ABCC3: variants seen among roughly 807,000 people sequenced by gnomAD.
ABCC3 encodes ATP-binding cassette sub-family C member 3.
ABCC3 carries 121 observed loss-of-function variants against 165.3 expected under a neutral mutation model. The observed-to-expected ratio is 0.73, with a 90% CI of 0.63 to 0.85. The LOEUF is 0.85. ABCC3 is among the 40% of genes least tolerant of loss of function. The pLI is 0.00. For synonymous variants in ABCC3, 733 were observed against 810.1 expected (o/e 0.90, Z 1.62); for missense variants, 1,869 against 1,964.1 (o/e 0.95, Z 0.92).
chr17:50,635,615 G>A (rs1248066280), intron 1 of ABCC3: 9 of 702,454 alleles, frequency 1.3e-5, no homozygotes, highest in Non-Finnish European at 2.3e-5. Flanking sequence ...CAGGGTGTCA[G>A]GATTCCTGTA....
chr17:50,634,920 A>T lies in ABCC3; in HGVS notation c.-17A>T, dbSNP rs2146579128. On this transcript the variant is annotated 5_prime_UTR_variant, in exon 1 of 31. Coordinates refer to ENST00000285238, the MANE Select transcript of ABCC3 (RefSeq NM_003786.4). Reference sequence around the variant, plus strand: ...GTCCGACCGCGCTCGCCTTCCTTGCAGCCGCGCCTCGGCCCCATGGACGCC... The same window carrying T: ...GTCCGACCGCGCTCGCCTTCCTTGCTGCCGCGCCTCGGCCCCATGGACGCC... The T allele has an allele frequency of 8.0e-7, 1 of 1,253,918 alleles. No homozygotes were observed. Among genetic ancestry groups the T allele is most frequent in the East Asian group, 3.2e-5 (1 of 31,664 alleles). 77.7% of individuals were successfully genotyped at this position (1,253,918 alleles called of 1,614,324 possible).
intron 7 of ABCC3, 44 bp downstream of exon 7, chr17:50,659,412 C>A: frequency 6.3e-7 from 1 of 1,575,514 alleles, no homozygotes; most frequent in Non-Finnish European, 8.7e-7. Flanking sequence ...CTTCGCTTAC[C>A]CCAGATCTCC....
At chr17:50,690,457 G>C (rs1421639007) in intron 30 of ABCC3, among the ~76,000 whole-genome samples, 1 of 152,164 alleles carries the variant, frequency 6.6e-6, no homozygotes, top group Non-Finnish European at 1.5e-5. Flanking sequence ...CCATGGAGGA[G>C]CACTTCTCCA....
chr17:50,683,527 A>C, intron 26 of ABCC3, 83 bp from the exon 27 acceptor site: 1 of 1,419,682 alleles, frequency 7.0e-7, no homozygotes, highest in Non-Finnish European at 9.2e-7. Context: ...GGGAGGATTG[A>C]GGGGCCTTGG....
rs760201402 is a variant in ABCC3, at chr17:50,684,728, G to A, written c.4133G>A (p.Gly1378Glu). ...CCCCAGGACCCCATCCTGTTCTCGGGGACCCTGCGCATGAACCTGGACCCC... is the reference window on the plus strand; with the variant it reads ...CCCCAGGACCCCATCCTGTTCTCGGAGACCCTGCGCATGAACCTGGACCCC... The part of the protein sequence containing the change: ...IIPQDPILFS[G>E]TLRMNLDPFG... The change falls in exon 29 of 31, where the codon GGG (glycine) becomes GAG (glutamate). Residue 1378 changes from glycine to glutamate, a missense_variant. Gly to Glu is a moderately conservative substitution (Grantham distance 98). Transcript: ENST00000285238. 2 of 1,613,942 alleles carry A rather than the reference G, an allele frequency of 1.2e-6. No homozygotes were observed. Among genetic ancestry groups the A allele is most frequent in the Admixed American group, 3.3e-5 (2 of 59,966 alleles).
intron 1 of ABCC3, among the ~76,000 whole-genome samples, chr17:50,636,684 T>C (rs569477644): frequency 2.0e-5 from 3 of 152,356 alleles, no homozygotes; most frequent in East Asian, 3.9e-4. Context: ...CAAGGGCTCA[T>C]TGTTCCTGGG....
intron 19 of ABCC3, among the ~76,000 whole-genome samples, chr17:50,674,961 G>C (rs149956935): frequency 1.3e-5 from 2 of 151,794 alleles, no homozygotes; most frequent in Non-Finnish European, 2.9e-5. Context: ...CACCACGCCC[G>C]GCTAATTTTT....
intron 1 of ABCC3, chr17:50,643,727 A>G (rs1323871902): frequency 2.3e-6 from 1 of 433,374 alleles, no homozygotes; most frequent in South Asian, 1.6e-5. Flanking sequence ...GACAAGTGGT[A>G]AAAAGAGGGA....
rs1280738354 is a variant in ABCC3, at chr17:50,655,890, C to T, written c.104C>T (p.Ser35Phe). The change falls in exon 2 of 31, where the codon TCC (serine) becomes TTC (phenylalanine). Residue 35 changes from serine (S) to phenylalanine (F), a missense_variant. Ser to Phe is a radical substitution (Grantham distance 155). Coordinates refer to ENST00000285238, the MANE Select transcript of ABCC3 (RefSeq NM_003786.4). ...NPDLTPCFQN[S>F]LLAWVPCIYL... ...GACCTCACTCCCTGCTTCCAGAACT[C>T]CCTGCTGGCCTGGGTGCCCTGCATC... 1.2e-6 allele frequency: 2 copies of T among 1,614,050 alleles called. No individual in the cohort carries two copies. The highest frequency in any genetic ancestry group is 2.2e-5 in the South Asian group (2 of 91,062).
intron 28 of ABCC3, 102 bp downstream of exon 28, chr17:50,684,209 AG>A: frequency 7.0e-7 from 1 of 1,428,766 alleles, no homozygotes. Context: ...CCAGTCTCAG[AG>A]GCTTGGGCAG....
In ABCC3 at chr17:50,673,670, C is replaced by G. The variant is rs1326604979; in HGVS notation, c.2599+12C>G. ...GGACAGCTGGACCGGTATCTGCCAT[C>G]CTGGGCCCTCTGATTCCCATGCCTT... On this transcript the variant is annotated intron_variant, in intron 19 of 30. Coordinates refer to ENST00000285238, the MANE Select transcript of ABCC3 (RefSeq NM_003786.4). 6.2e-7 allele frequency: 1 copy of G among 1,613,356 alleles called. No homozygotes were observed. Among genetic ancestry groups the G allele is most frequent in the Admixed American group, 1.7e-5 (1 of 59,988 alleles).
In ABCC3 at chr17:50,673,900, TTTTC is replaced by T. The variant is rs1396264236; in HGVS notation, c.2599+320_2599+323del. On this transcript the variant is annotated intron_variant, in intron 19 of 30. Transcript: ENST00000285238. ...TCCTCCGCCCCGGTCTCAGAGCCTG[TTTTC>T]TTTCTTTCTTTCTTTCTTTCTTTCT... is the stretch of plus-strand genomic sequence containing the variant. 2.7e-4 allele frequency among the ~76,000 whole-genome samples: 36 copies of T among 131,616 alleles called. 4 individuals carry two copies. Among genetic ancestry groups the T allele is most frequent in the East Asian group, 7.2e-4 (3 of 4,170 alleles). 86.3% of individuals were successfully genotyped at this position (131,616 alleles called of 152,430 possible). A position where few individuals can be genotyped will look rare whatever the true frequency, so the allele number is the denominator to read the frequency against.
chr17:50,679,843 G>A lies in ABCC3; in HGVS notation c.3751G>A (p.Glu1251Lys), dbSNP rs767675983. ...NWMIRMMSDLESNIVAVERVK... is the reference protein window; with the variant it reads ...NWMIRMMSDLKSNIVAVERVK... Reference sequence around the variant, plus strand: ...GATGATACGAATGATGTCAGATTTGGAATCTAACATCGTGGCTGTGGAGAG... The same window carrying A: ...GATGATACGAATGATGTCAGATTTGAAATCTAACATCGTGGCTGTGGAGAG... The change falls in exon 26 of 31, where the codon GAA (glutamate) becomes AAA (lysine). Residue 1251 changes from glutamate to lysine, a missense_variant. By Grantham distance (56) the Glu-to-Lys change is moderately conservative. Coordinates refer to ENST00000285238, the MANE Select transcript of ABCC3 (RefSeq NM_003786.4). 1 of 1,614,038 alleles carries A rather than the reference G, an allele frequency of 6.2e-7. No homozygotes were observed. The highest frequency in any genetic ancestry group is 1.3e-5 in the African/African-American group (1 of 74,918).
At chr17:50,658,536 A>G (rs1380349057) in intron 6 of ABCC3, 40 bp downstream of exon 6, 1 of 1,588,550 alleles carries the variant, frequency 6.3e-7, no homozygotes, top group African/African-American at 1.3e-5. Flanking sequence ...GAGGGAGGGG[A>G]GGGATGGAAG....
chr17:50,668,890 G>T lies in ABCC3; in HGVS notation c.1908G>T (p.Trp636Cys). The T allele has an allele frequency of 6.2e-7, 1 of 1,613,906 alleles. No individual in the cohort carries two copies. The highest frequency in any genetic ancestry group is 2.2e-5 in the East Asian group (1 of 44,862). ...AITIHSGTFT[W>C]AQDLPPTLHS... ...CCATACACAGTGGCACCTTCACCTGGGCCCAGGACCTGCCCCCCACTCTGC... is the reference window on the plus strand; with the variant it reads ...CCATACACAGTGGCACCTTCACCTGTGCCCAGGACCTGCCCCCCACTCTGC... The change falls in exon 15 of 31, where the codon TGG (tryptophan) becomes TGT (cysteine). Residue 636 changes from tryptophan (W) to cysteine (C), a missense_variant. Transcript: ENST00000285238.
rs375225936 is a variant in ABCC3, at chr17:50,679,994, C to T, written c.3807+95C>T. 9.3e-5 allele frequency: 78 copies of T among 836,012 alleles called. 1 individual carries two copies. In the East Asian group the frequency reaches 1.5e-3, roughly 16 times the overall value. The allele number at this position is 836,012 out of a possible 1,614,324, so 51.8% of individuals were successfully genotyped here. A position where few individuals can be genotyped will look rare whatever the true frequency, so the allele number is the denominator to read the frequency against. On this transcript the variant is annotated intron_variant, in intron 26 of 30. Transcript: ENST00000285238. ...TCTCCCTCAACATCAGGGCCTGCCA[C>T]GTATGGGGCTCTTCATTCATTTACC...
At chr17:50,635,602 G>T in intron 1 of ABCC3, 1 of 702,604 alleles carries the variant, frequency 1.4e-6, no homozygotes, top group East Asian at 2.7e-5. Context: ...CTGGAGACAG[G>T]TGCAGGGTGT....
Position 50,683,744 on chromosome 17 carries a change from C to G in ABCC3, c.3942C>G (p.His1314Gln). ...LVLRDLSLHV[H>Q]GGEKVGIVGR... ...TGAGAGACCTGAGTCTGCATGTGCACGGTGGCGAGAAGGTACGCGTGGGGT... is the reference window on the plus strand; with the variant it reads ...TGAGAGACCTGAGTCTGCATGTGCAGGGTGGCGAGAAGGTACGCGTGGGGT... The change falls in exon 27 of 31, where the codon CAC becomes CAG. Residue 1314 changes from histidine (H) to glutamine (Q), a missense_variant. Physicochemically the swap from His to Gln is conservative, Grantham distance 24. Transcript: ENST00000285238. The G allele has an allele frequency of 6.2e-7, 1 of 1,604,684 alleles. No homozygotes were observed. The highest frequency in any genetic ancestry group is 8.5e-7 in the Non-Finnish European group (1 of 1,176,620).
chr17:50,656,740 C>T lies in ABCC3; in HGVS notation c.261C>T (p.Asp87=). ...TGCTGTGGTGCGTCTCCTGGGCGGA[C>T]CTTTTTTACTCCTTCCATGGCCTGG... ...GVLLWCVSWA[D]LFYSFHGLVH... The change falls in exon 3 of 31, where the codon GAC becomes GAT. Residue 87 remains aspartate (D), a synonymous_variant. Coordinates refer to ENST00000285238, the MANE Select transcript of ABCC3 (RefSeq NM_003786.4). 1 of 1,614,016 alleles carries T rather than the reference C, an allele frequency of 6.2e-7. No individual in the cohort carries two copies. The highest frequency in any genetic ancestry group is 1.3e-5 in the African/African-American group (1 of 75,050).
Sources: allele counts gnomAD v4.1 joint callset (sites outside exome capture counted in the v4.1 genomes callset), GRCh38; gene constraint gnomAD v4.1.1; transcripts MANE v1.5; gene names NCBI Gene and HGNC (gene_info 2026-07-23, HGNC 2026-07-21).